EIF1: variants seen among roughly 807,000 people sequenced by gnomAD.
EIF1 encodes the protein eukaryotic translation initiation factor 1, also known as protein translation factor SUI1 homolog.
EIF1 carries 4 observed loss-of-function variants against 13.7 expected under a neutral mutation model. The observed-to-expected ratio is 0.29, with a 90% CI of 0.14 to 0.67. EIF1 has a LOEUF of 0.67. Ranked by LOEUF, EIF1 falls within the 30% of genes least tolerant of loss-of-function variation. The pLI, the probability that EIF1 is intolerant of heterozygous loss-of-function variation, is 0.77. For missense variants in EIF1, 64 were observed against 138.0 expected, an observed-to-expected ratio of 0.46 and a Z score of 2.69; for synonymous variants, 67 against 50.7, an observed-to-expected ratio of 1.32 and a Z score of -1.37.
chr17:41,690,667 G>A (rs974206761), intron 3 of EIF1, 115 bp from the exon 4 acceptor site: 22 of 1,110,872 alleles, frequency 2.0e-5, no homozygotes, highest in Admixed American at 1.2e-4. Flanking sequence ...ACCATTGTGC[G>A]CACCCCTGGC....
chr17:41,689,463 T>G (rs533229238), intron 1 of EIF1: 1 of 454,420 alleles, frequency 2.2e-6, no homozygotes, highest in Non-Finnish European at 3.9e-6. Context: ...GTGGGAGGCT[T>G]AGCCCCGCCT....
intron 3 of EIF1, 28 bp downstream of exon 3, chr17:41,690,217 CCT>C: frequency 1.0e-5 from 16 of 1,573,440 alleles, no homozygotes; most frequent in African/African-American, 1.3e-5. Context: ...TTGATTTGTG[CCT>C]CTCTGCTGGC....
At chr17:41,690,673 CT>C in intron 3 of EIF1, 108 bp from the exon 4 acceptor site, 1 of 1,240,200 alleles carries the variant, frequency 8.1e-7, no homozygotes, top group Non-Finnish European at 1.2e-6. Flanking sequence ...GTGCGCACCC[CT>C]GGCTCTTGGG....
intron 3 of EIF1, 132 bp from the exon 4 acceptor site, chr17:41,690,650 C>T: frequency 1.1e-6 from 1 of 903,780 alleles, no homozygotes; most frequent in Non-Finnish European, 1.8e-6. Context: ...TGAGGACCCT[C>T]TGTTGAACCA....
rs57557512 is a variant in EIF1 at position 41,689,328 on chromosome 17, T to G, written c.31+259T>G. Reference sequence around the variant, plus strand: ...CGCATTTACTAATGGCTCCTGGGCCTCCTCGGGCCACACCCGCCCCTCCCG... The same window carrying G: ...CGCATTTACTAATGGCTCCTGGGCCGCCTCGGGCCACACCCGCCCCTCCCG... On this transcript the variant is annotated intron_variant, in intron 1 of 3. Transcript: ENST00000469257. 5,248 of 578,284 alleles carry G rather than the reference T, an allele frequency of 9.1e-3. 208 individuals are homozygous for G. Among genetic ancestry groups the G allele is most frequent in the African/African-American group, 0.087 (4,585 of 52,868 alleles). The allele number at this position is 578,284 out of a possible 1,614,324, so 35.8% of individuals were successfully genotyped here.
intron 1 of EIF1, 113 bp from the exon 2 acceptor site, chr17:41,689,665 G>T (rs1910314288): frequency 3.5e-6 from 4 of 1,130,830 alleles, no homozygotes; most frequent in Non-Finnish European, 5.0e-6. Flanking sequence ...CCTGGCCCAA[G>T]CCCTGACGAT....
rs58959805 is a variant in EIF1 at position 41,689,638 on chromosome 17, G to A, written c.32-140G>A. On this transcript the variant is annotated intron_variant, in intron 1 of 3. Transcript: ENST00000469257. Reference sequence around the variant, plus strand: ...GGACTGACCTGCTCGGGGAGAGCCAGCAAAGGACACATTCGGCCTGGCCCA... The same window carrying A: ...GGACTGACCTGCTCGGGGAGAGCCAACAAAGGACACATTCGGCCTGGCCCA... The A allele has an allele frequency of 6.8e-3, 5,705 of 836,828 alleles. 227 individuals carry two copies. The African/African-American group carries it at 0.087, about 13-fold the overall frequency. The allele number at this position is 836,828 out of a possible 1,614,324, so 51.8% of individuals were successfully genotyped here.
intron 2 of EIF1, 56 bp from the exon 3 acceptor site, chr17:41,690,032 T>C: frequency 6.2e-7 from 1 of 1,609,872 alleles, no homozygotes; most frequent in Non-Finnish European, 8.5e-7. Flanking sequence ...GCGGAAGGGG[T>C]GATAAATGCG....
chr17:41,689,044 C>T lies in EIF1; in HGVS notation c.6C>T (p.Ser2=), dbSNP rs1385112823. 1 of 1,613,564 alleles carries T rather than the reference C, an allele frequency of 6.2e-7. No homozygotes were observed. The highest frequency in any genetic ancestry group is 1.3e-5 in the African/African-American group (1 of 75,056). The change falls in exon 1 of 4, where the codon TCC becomes TCT. Residue 2 remains serine, a synonymous_variant. Transcript: ENST00000469257. ...AGGAAAAGGAATCGTATCGTATGTC[C>T]GCTATCCAGAACCTCCACTCTTTCG... The part of the protein sequence containing the change: M[S]AIQNLHSFDP...
intron 3 of EIF1, 154 bp from the exon 4 acceptor site, chr17:41,690,628 G>A (rs955430678): frequency 2.9e-6 from 2 of 693,428 alleles, no homozygotes; most frequent in Admixed American, 2.8e-5. Flanking sequence ...TTCAAAAAAG[G>A]TAGCTCTTAA....
chr17:41,690,907 A>G lies in EIF1; in HGVS notation c.*81A>G, dbSNP rs1415062472. On this transcript the variant is annotated 3_prime_UTR_variant, in exon 4 of 4. Coordinates refer to ENST00000469257, the MANE Select transcript of EIF1 (RefSeq NM_005801.4). ...CCCTTCTCTCCCTTGTCACAGGTTT[A>G]AAAACCTCACAGCTTGTATAATGTA... is the stretch of plus-strand genomic sequence containing the variant. The G allele has an allele frequency of 2.6e-6, 4 of 1,516,518 alleles. No individual in the cohort carries two copies. Among genetic ancestry groups the G allele is most frequent in the Non-Finnish European group, 3.7e-6 (4 of 1,093,776 alleles). 93.9% of individuals were successfully genotyped at this position (1,516,518 alleles called of 1,614,324 possible).
At chr17:41,689,992 G>C (rs1910325371) in intron 2 of EIF1, 51 bp downstream of exon 2, 1 of 1,611,922 alleles carries the variant, frequency 6.2e-7, no homozygotes, top group African/African-American at 1.3e-5. Context: ...TGTCCACAAG[G>C]GGGTGCCAGC....
rs1910405092 is a variant in EIF1, at chr17:41,692,294, G to A, written c.*1468G>A. ...TTAAGATCCACAAATCGCTAGGAAT[G>A]TGTATACTCTGGGTAGTAAGTTTGT... On this transcript the variant is annotated 3_prime_UTR_variant, in exon 4 of 4. Transcript: ENST00000469257. 6.6e-6 allele frequency: 1 copy of A among 152,234 alleles called. No homozygotes were observed. The highest frequency in any genetic ancestry group is 1.9e-4 in the East Asian group (1 of 5,204). 9.4% of individuals were successfully genotyped at this position (152,234 alleles called of 1,614,324 possible). A position where few individuals can be genotyped will look rare whatever the true frequency, so the allele number is the denominator to read the frequency against.
At position 41,691,896 on chromosome 17, in the gene EIF1, A is replaced by C. The variant is rs770330052; in HGVS notation, c.*1070A>C. 1 of 152,232 alleles carries C rather than the reference A, an allele frequency of 6.6e-6. No homozygotes were observed. Among genetic ancestry groups the C allele is most frequent in the Non-Finnish European group, 1.5e-5 (1 of 68,070 alleles). 9.4% of individuals were successfully genotyped at this position (152,232 alleles called of 1,614,324 possible). ...CTCGGCTCACTGCAACCTCCACCTC[A>C]GGTTCAAGCAATTGTCGTGCCTCAG... On this transcript the variant is annotated 3_prime_UTR_variant, in exon 4 of 4. Coordinates refer to ENST00000469257, the MANE Select transcript of EIF1 (RefSeq NM_005801.4).
At position 41,690,132 on chromosome 17, in the gene EIF1, A is replaced by G. The variant is rs942349510; in HGVS notation, c.240A>G (p.Gly80=). 2 of 1,614,158 alleles carry G rather than the reference A, an allele frequency of 1.2e-6. No homozygotes were observed. The highest frequency in any genetic ancestry group is 1.7e-6 in the Non-Finnish European group (2 of 1,180,030). Residue 80 remains glycine (G), a synonymous_variant, in exon 3 of 4, where the codon GGA becomes GGG. Coordinates refer to ENST00000469257, the MANE Select transcript of EIF1 (RefSeq NM_005801.4). ...CTGTAATTGAGCATCCGGAATATGG[A>G]GAAGTAATTCAGCTACAGGGTGACC... ...NGTVIEHPEY[G]EVIQLQGDQR...
chr17:41,689,260 C>A, intron 1 of EIF1, 191 bp downstream of exon 1: 1 of 663,230 alleles, frequency 1.5e-6, no homozygotes, highest in East Asian at 2.7e-5. Context: ...CCGGAAGGAG[C>A]AGGCGGTAGG....
In EIF1 at chr17:41,691,078, C is replaced by T. The variant is rs1425005452; in HGVS notation, c.*252C>T. ...TGGCAGTGTCAAGCCTGAAACCAAG[C>T]AATACCGTCATGTTTCAGCCAAGCC... On this transcript the variant is annotated 3_prime_UTR_variant, in exon 4 of 4. Transcript: ENST00000469257. 1.8e-6 allele frequency: 1 copy of T among 564,916 alleles called. No individual in the cohort carries two copies. The highest frequency in any genetic ancestry group is 3.0e-5 in the Admixed American group (1 of 32,932). The allele number at this position is 564,916 out of a possible 1,614,324, so 35.0% of individuals were successfully genotyped here.
chr17:41,689,941 AGT>A lies in EIF1; in HGVS notation c.195+1_195+2del. 1 of 1,610,286 alleles carries A rather than the reference AGT, an allele frequency of 6.2e-7. No individual in the cohort carries two copies. The highest frequency in any genetic ancestry group is 8.5e-7 in the Non-Finnish European group (1 of 1,177,746). ...AGAAACTAGTGAAGGCGTTTAAGAA[AGT>A]AGGTCTTCAGTGAGATTTTGGGAAA... On this transcript the variant is annotated splice_donor_variant, in intron 2 of 3. Coordinates refer to ENST00000469257, the MANE Select transcript of EIF1 (RefSeq NM_005801.4). LOFTEE classifies it high-confidence loss of function.
rs908961270 is a variant in EIF1, at chr17:41,692,544, A to G, written c.*1718A>G. On this transcript the variant is annotated 3_prime_UTR_variant, in exon 4 of 4. Coordinates refer to ENST00000469257, the MANE Select transcript of EIF1 (RefSeq NM_005801.4). The stretch of plus-strand genomic sequence containing the variant: ...ATGAGCCTCACAGCCGTGCTACACA[A>G]TAAGATTATAATACTGTATTTTTAC... The G allele has an allele frequency of 9.2e-6, 1 of 108,944 alleles. No homozygotes were observed. Among genetic ancestry groups the G allele is most frequent in the Admixed American group, 9.7e-5 (1 of 10,356 alleles). 6.7% of individuals were successfully genotyped at this position (108,944 alleles called of 1,614,324 possible). A position where few individuals can be genotyped will look rare whatever the true frequency, so the allele number is the denominator to read the frequency against.
Sources: allele counts gnomAD v4.1 joint callset, GRCh38; gene constraint gnomAD v4.1.1; transcripts MANE v1.5; gene names NCBI Gene and HGNC (gene_info 2026-07-23, HGNC 2026-07-21).